PRPF6: variants seen among roughly 807,000 people sequenced by gnomAD.
The protein encoded by PRPF6 is pre-mRNA-processing factor 6.
In PRPF6, 42 loss-of-function variants were observed where a neutral mutation model predicts 118.3. The observed-to-expected ratio is 0.35, with a 90% CI of 0.28 to 0.46. The LOEUF is 0.46. PRPF6 is among the 20% of genes least tolerant of loss of function. The pLI, the probability that PRPF6 is intolerant of heterozygous loss-of-function variation, is 1.00. For missense variants in PRPF6, 662 were observed against 1,255.7 expected, an observed-to-expected ratio of 0.53 and a Z score of 7.15; for synonymous variants, 481 against 485.1, an observed-to-expected ratio of 0.99 and a Z score of 0.11.
At chr20:64,002,508 G>A (rs1436601189) in intron 9 of PRPF6, among the ~76,000 whole-genome samples, 3 of 151,152 alleles carry the variant, frequency 2.0e-5, no homozygotes, top group Non-Finnish European at 2.9e-5. Context: ...GCCAATTTTT[G>A]TATTTTTAGT....
At chr20:63,988,629 A>G (rs73626406) in intron 3 of PRPF6, among the ~76,000 whole-genome samples, 1 of 151,658 alleles carries the variant, frequency 6.6e-6, no homozygotes, top group Non-Finnish European at 1.5e-5. Context: ...TGTAATCCCA[A>G]CACTTTGGGA....
intron 9 of PRPF6, among the ~76,000 whole-genome samples, chr20:64,004,798 C>T (rs545139479): frequency 6.6e-6 from 1 of 152,296 alleles, no homozygotes; most frequent in African/African-American, 2.4e-5. Flanking sequence ...ACTGGCAGCT[C>T]CCCTACAATA....
intron 6 of PRPF6, among the ~76,000 whole-genome samples, chr20:63,998,439 G>A (rs772380457): frequency 2.6e-4 from 40 of 152,104 alleles, no homozygotes; most frequent in African/African-American, 8.2e-4. Flanking sequence ...GGAGGCTGAG[G>A]CAGGAGGATT....
At position 63,983,245 on chromosome 20, in the gene PRPF6, C is replaced by T. The variant is rs1288003543; in HGVS notation, c.240+30C>T. The stretch of plus-strand genomic sequence containing the variant: ...GATGTGTCCGGCTTTCGTGGCTCCT[C>T]CAGCCAGTCTCTGGGAGCAGCTGAC... On this transcript the variant is annotated intron_variant, in intron 2 of 20. Transcript: ENST00000266079. The T allele has an allele frequency of 3.1e-6, 5 of 1,613,836 alleles. No homozygotes were observed. The African/African-American group carries it at 5.3e-5, about 17-fold the overall frequency.
intron 6 of PRPF6, among the ~76,000 whole-genome samples, chr20:63,998,601 G>C (rs2059151473): frequency 6.6e-6 from 1 of 150,664 alleles, no homozygotes; most frequent in African/African-American, 2.4e-5. Context: ...CAGCACTTTG[G>C]GAGGCCGAGG....
chr20:63,998,735 G>T (rs1464410188), intron 6 of PRPF6, among the ~76,000 whole-genome samples: 1 of 151,714 alleles, frequency 6.6e-6, no homozygotes. Flanking sequence ...CCAGCCACTC[G>T]GGAGGCTGAG....
chr20:64,024,441 C>G, intron 13 of PRPF6, 114 bp from the exon 14 acceptor site: 1 of 1,367,958 alleles, frequency 7.3e-7, no homozygotes, highest in South Asian at 1.2e-5. Flanking sequence ...TCATTTATAG[C>G]ATCGAACTTT....
chr20:64,015,989 G>A (rs890533449), intron 11 of PRPF6, among the ~76,000 whole-genome samples: 1 of 152,126 alleles, frequency 6.6e-6, no homozygotes, highest in African/African-American at 2.4e-5. Flanking sequence ...ATTGAGCATG[G>A]TGGTGCATGT....
chr20:63,999,014 C>T, intron 6 of PRPF6, 31 bp from the exon 7 acceptor site: 1 of 1,571,584 alleles, frequency 6.4e-7, no homozygotes, highest in Middle Eastern at 1.7e-4. Context: ...TGGTCATGTC[C>T]AGCTGACTCT....
In PRPF6 at chr20:64,018,985, G is replaced by A. The variant is rs114695658; in HGVS notation, c.1647+2140G>A. Among the ~76,000 whole-genome samples the A allele has an allele frequency of 8.6e-3, 1,309 of 152,156 alleles. 14 individuals are homozygous for A. Among genetic ancestry groups the A allele is most frequent in the African/African-American group, 0.03 (1,259 of 41,480 alleles). On this transcript the variant is annotated intron_variant, in intron 12 of 20. Coordinates refer to ENST00000266079, the MANE Select transcript of PRPF6 (RefSeq NM_012469.4). ...TGCACCCCGTGTGGCGTGACCCAGA[G>A]CTTGTGTGCCGGCTGGGCCATCCTC...
At chr20:64,024,279 G>A (rs941050801) in intron 13 of PRPF6, among the ~76,000 whole-genome samples, 5 of 152,132 alleles carry the variant, frequency 3.3e-5, no homozygotes, top group South Asian at 4.1e-4. Flanking sequence ...CAGGACACAC[G>A]GCTGTAAAAG....
At chr20:63,999,262 A>AGTAGTTTGT in intron 7 of PRPF6, 123 bp downstream of exon 7, 1 of 852,596 alleles carries the variant, frequency 1.2e-6, no homozygotes, top group East Asian at 2.6e-5. Context: ...TGTAAAGTGG[A>AGTAGTTTGT]GTAGTTTGTT....
chr20:63,992,797 G>A (rs1277408870), intron 3 of PRPF6, among the ~76,000 whole-genome samples: 8 of 151,846 alleles, frequency 5.3e-5, no homozygotes, highest in African/African-American at 1.7e-4. Flanking sequence ...GCAGTGGTGC[G>A]ATCTTGGCTC....
chr20:64,010,080 T>C (rs1041591136), intron 9 of PRPF6, 120 bp from the exon 10 acceptor site: 4 of 847,658 alleles, frequency 4.7e-6, no homozygotes, highest in Non-Finnish European at 8.2e-6. Context: ...GGCAGGTGTG[T>C]GGTCCCTGAC....
intron 3 of PRPF6, among the ~76,000 whole-genome samples, chr20:63,986,897 G>C (rs1258676685): frequency 6.6e-6 from 1 of 151,784 alleles, no homozygotes; most frequent in African/African-American, 2.4e-5. Context: ...GGCTGGGTGT[G>C]GTGGCTCACG....
At chr20:63,995,244 G>C in intron 5 of PRPF6, 83 bp from the exon 6 acceptor site, 4 of 1,572,460 alleles carry the variant, frequency 2.5e-6, no homozygotes, top group Non-Finnish European at 3.5e-6. Context: ...CAGGCCACTG[G>C]GGAAGTATTT....
intron 3 of PRPF6, among the ~76,000 whole-genome samples, chr20:63,988,337 A>G (rs1040441248): frequency 3.3e-5 from 5 of 150,396 alleles, no homozygotes; most frequent in Non-Finnish European, 5.9e-5. Context: ...AAAAAAACCA[A>G]AAAACAAAAA....
At chr20:63,989,655 A>G (rs1431179543) in intron 3 of PRPF6, among the ~76,000 whole-genome samples, 1 of 152,000 alleles carries the variant, frequency 6.6e-6, no homozygotes, top group East Asian at 1.9e-4. Flanking sequence ...AGCTGGGATT[A>G]CAGGTGCCTG....
rs751358816 is a variant in PRPF6 at position 64,026,090 on chromosome 20, G to T, written c.2028+32G>T. On this transcript the variant is annotated intron_variant, in intron 15 of 20. Transcript: ENST00000266079. The surrounding 1 kb of genome is among the most constrained non-coding windows in gnomAD (Gnocchi z 4.4). ...AGTGGCAGGCAGGGCTGGGCCGTCT[G>T]GGGTGCATGGTGTGCACATGCGGGC... is the stretch of plus-strand genomic sequence containing the variant. 6.3e-7 allele frequency: 1 copy of T among 1,598,214 alleles called. No individual in the cohort carries two copies. The highest frequency in any genetic ancestry group is 8.5e-7 in the Non-Finnish European group (1 of 1,179,374).
Sources: gnomAD v4.1 joint callset for allele counts (sites outside exome capture counted in the v4.1 genomes callset) on GRCh38, gnomAD v4.1.1 for gene constraint, Gnocchi (gnomAD v3.1) non-coding constraint, MANE v1.5 for transcripts, NCBI Gene and HGNC (gene_info 2026-07-23, HGNC 2026-07-21) for gene names.